SLC22A6: variants seen among roughly 807,000 people sequenced by gnomAD.
SLC22A6 encodes the protein PAH transporter.
Under a neutral mutation model 56.7 loss-of-function variants are expected in SLC22A6, and 45 were observed. The ratio of observed to expected loss-of-function variants is 0.79; its 90% confidence interval spans 0.63 to 1.02. SLC22A6 has a LOEUF of 1.02. Ranked by LOEUF, SLC22A6 falls within the 50% of genes least tolerant of loss-of-function variation. The pLI, the probability that SLC22A6 is intolerant of heterozygous loss-of-function variation, is 0.00. For synonymous variants in SLC22A6, 291 were observed against 295.9 expected, an observed-to-expected ratio of 0.98 and a Z score of 0.17; for missense variants, 606 against 713.8, an observed-to-expected ratio of 0.85 and a Z score of 1.72.
intron 6 of SLC22A6, among the ~76,000 whole-genome samples, chr11:62,980,354 G>T (rs1275738015): frequency 6.6e-6 from 1 of 152,202 alleles, no homozygotes; most frequent in African/African-American, 2.4e-5. Flanking sequence ...GATGAGTGTT[G>T]TGCTTTTTAA....
intron 5 of SLC22A6, 57 bp downstream of exon 5, chr11:62,981,203 T>G (rs1213590756): frequency 6.2e-7 from 1 of 1,606,252 alleles, no homozygotes; most frequent in African/African-American, 1.3e-5. Flanking sequence ...GTCCTGGGTT[T>G]GGGGTTTGGG....
At chr11:62,979,454 A>G in intron 8 of SLC22A6, 34 bp downstream of exon 8, 2 of 1,340,278 alleles carry the variant, frequency 1.5e-6, no homozygotes, top group Non-Finnish European at 2.1e-6. Flanking sequence ...TCCCCAGGAA[A>G]AGGCTGTCAT....
In SLC22A6 at chr11:62,980,978, G is replaced by A. The variant is rs772693956; in HGVS notation, c.1037+7C>T. On this transcript the variant is annotated splice_region_variant and intron_variant, in intron 6 of 9. Coordinates refer to ENST00000360421, the MANE Select transcript of SLC22A6 (RefSeq NM_153276.3). ...TTGTCTCAGTCTGTCTGTCTTTCTG[G>A]GCCTACCACAGCATGGAGAGGCAGA... The A allele has an allele frequency of 1.3e-6, 2 of 1,591,532 alleles. No homozygotes were observed. The highest frequency in any genetic ancestry group is 1.7e-6 in the Non-Finnish European group (2 of 1,165,392).
At chr11:62,977,912 C>T (rs2086208491) in intron 8 of SLC22A6, among the ~76,000 whole-genome samples, 1 of 152,214 alleles carries the variant, frequency 6.6e-6, no homozygotes, top group Admixed American at 6.5e-5. Flanking sequence ...ATGTTAAGAA[C>T]ATTCTTCATG....
intron 8 of SLC22A6, 77 bp downstream of exon 8, chr11:62,979,410 TC>T: frequency 9.8e-7 from 1 of 1,017,838 alleles, no homozygotes; most frequent in Non-Finnish European, 1.6e-6. Context: ...TTGATTTAGC[TC>T]TGGGGTCTGA....
At position 62,979,904 on chromosome 11, in the gene SLC22A6, T is replaced by G. The variant is rs749666932; in HGVS notation, c.1082A>C (p.Gln361Pro). Residue 361 changes from glutamine (Q) to proline (P), a missense_variant, in exon 7 of 10, where the codon CAG becomes CCG. Gln to Pro is a moderately conservative substitution (Grantham distance 76). Transcript: ENST00000360421. ...FAYYGLVMDL[Q>P]GFGVSIYLIQ... The stretch of plus-strand genomic sequence containing the variant: ...TAGGTAGATGCTGACTCCAAAGCCC[T>G]GCAGGTCCATGACCAGCCCATAGTA... The G allele has an allele frequency of 6.2e-7, 1 of 1,614,148 alleles. No homozygotes were observed. Among genetic ancestry groups the G allele is most frequent in the Admixed American group, 1.7e-5 (1 of 60,018 alleles).
At chr11:62,978,219 C>T (rs1007807556) in intron 8 of SLC22A6, among the ~76,000 whole-genome samples, 1 of 152,296 alleles carries the variant, frequency 6.6e-6, no homozygotes, top group East Asian at 1.9e-4. Context: ...CTCAGGGTTC[C>T]ACTTTGCAGA....
rs2086245967 is a variant in SLC22A6 at position 62,980,965 on chromosome 11, G to A, written c.1037+20C>T. 2 of 1,575,868 alleles carry A rather than the reference G, an allele frequency of 1.3e-6. No individual in the cohort carries two copies. Among genetic ancestry groups the A allele is most frequent in the Middle Eastern group, 1.7e-4 (1 of 5,898 alleles). On this transcript the variant is annotated intron_variant, in intron 6 of 9. Transcript: ENST00000360421. Reference sequence around the variant, plus strand: ...CCCAGCCAGCCTTTTGTCTCAGTCTGTCTGTCTTTCTGGGCCTACCACAGC... The same window carrying A: ...CCCAGCCAGCCTTTTGTCTCAGTCTATCTGTCTTTCTGGGCCTACCACAGC...
chr11:62,981,156 C>T (rs1209420905), intron 5 of SLC22A6, 56 bp from the exon 6 acceptor site: 1 of 1,604,302 alleles, frequency 6.2e-7, no homozygotes, highest in Non-Finnish European at 8.5e-7. Context: ...CTCCTCCCAG[C>T]CTAATCCCTT....
Position 62,984,401 on chromosome 11 carries a change from T to C in SLC22A6, c.290A>G (p.Asn97Ser), listed in dbSNP as rs769257423. Residue 97 changes from asparagine (N) to serine (S), a missense_variant, in exon 1 of 10, where the codon AAT becomes AGT. Asn to Ser is a conservative substitution (Grantham distance 46). Coordinates refer to ENST00000360421, the MANE Select transcript of SLC22A6 (RefSeq NM_153276.3). ...GCAGGGCTCTGTGGCCCCTGTGCCA[T>C]TGGCTTCTGTGCCATTGAGAAAGGG... ...GLPFLNGTEA[N>S]GTGATEPCTD... 8 of 1,613,968 alleles carry C rather than the reference T, an allele frequency of 5.0e-6. No individual in the cohort carries two copies. The highest frequency in any genetic ancestry group is 2.2e-5 in the South Asian group (2 of 91,076).
Position 62,976,862 on chromosome 11 carries a change from G to T in SLC22A6, c.1585C>A (p.Gln529Lys). The part of the protein sequence containing the change: ...LESRKGKQTR[Q>K]QQEHQKYMVP... ...ATATACTTCTGGTGCTCTTGTTGCT[G>T]TCGCGTCTGTTTCCCTTTCCTGCAG... is the stretch of plus-strand genomic sequence containing the variant. The change falls in exon 10 of 10, where the codon CAG becomes AAG. Residue 529 changes from glutamine to lysine, a missense_variant. Transcript: ENST00000360421. 6.2e-7 allele frequency: 1 copy of T among 1,614,058 alleles called. No individual in the cohort carries two copies. Among genetic ancestry groups the T allele is most frequent in the Non-Finnish European group, 8.5e-7 (1 of 1,180,008 alleles).
Position 62,984,623 on chromosome 11 carries a change from A to G in SLC22A6, c.68T>C (p.Leu23Pro). 6.2e-7 allele frequency: 1 copy of G among 1,613,744 alleles called. No homozygotes were observed. Among genetic ancestry groups the G allele is most frequent in the Non-Finnish European group, 8.5e-7 (1 of 1,179,894 alleles). The part of the protein sequence containing the change: ...VGRFQQIQVT[L>P]VVLPLLLMAS... Reference sequence around the variant, plus strand: ...CATCAGGAGCAGGGGGAGGACCACCAGGGTGACCTGGATCTGCTGGAAGCG... The same window carrying G: ...CATCAGGAGCAGGGGGAGGACCACCGGGGTGACCTGGATCTGCTGGAAGCG... The change falls in exon 1 of 10, where the codon CTG becomes CCG. Residue 23 changes from leucine to proline, a missense_variant. Leu to Pro is a moderately conservative substitution (Grantham distance 98, BLOSUM62 -3). Transcript: ENST00000360421.
Position 62,983,287 on chromosome 11 carries a change from G to T in SLC22A6, c.628+250C>A, listed in dbSNP as rs1391340776. Among the ~76,000 whole-genome samples the T allele has an allele frequency of 6.6e-6, 1 of 152,144 alleles. No individual in the cohort carries two copies. Among genetic ancestry groups the T allele is most frequent in the Non-Finnish European group, 1.5e-5 (1 of 68,022 alleles). The stretch of plus-strand genomic sequence containing the variant: ...TCTCGATCTCCTGACCTCGTGATCT[G>T]CCCGCCTCGGCCTCCGAAAGTGCTG... On this transcript the variant is annotated intron_variant, in intron 3 of 9. Coordinates refer to ENST00000360421, the MANE Select transcript of SLC22A6 (RefSeq NM_153276.3). This position sits in a 1 kb window ranked among gnomAD's most constrained non-coding sequence, Gnocchi z 4.5.
Position 62,976,609 on chromosome 11 carries a change from A to G in SLC22A6, c.*185T>C. The G allele has an allele frequency of 1.9e-6, 1 of 540,330 alleles. No homozygotes were observed. The highest frequency in any genetic ancestry group is 3.3e-6 in the Non-Finnish European group (1 of 301,696). 33.5% of individuals were successfully genotyped at this position (540,330 alleles called of 1,614,324 possible). On this transcript the variant is annotated 3_prime_UTR_variant, in exon 10 of 10. Transcript: ENST00000360421. ...AGACACAGAGAGATGGTGCGCAGTC[A>G]AACCTTTTAATGATGTGGTTCTGGT...
rs369945942 is a variant in SLC22A6 at position 62,983,975 on chromosome 11, C to T, written c.442G>A (p.Gly148Arg). The T allele has an allele frequency of 2.2e-5, 36 of 1,613,724 alleles. No homozygotes were observed. The highest frequency in any genetic ancestry group is 4.5e-5 in the East Asian group (2 of 44,856). ...GCAAGGTAGCCGAACACCATGGCTC[C>T]GAGCAGCACCCCCACCATGTACAAG... ...QSLYMVGVLL[G>R]AMVFGYLADR... is the part of the protein sequence containing the mutation. The change falls in exon 2 of 10, where the codon GGA becomes AGA. Residue 148 changes from glycine to arginine, a missense_variant. Physicochemically the swap from Gly to Arg is moderately radical, Grantham distance 125 (BLOSUM62 -2). Transcript: ENST00000360421. This position sits in a 1 kb window ranked among gnomAD's most constrained non-coding sequence, Gnocchi z 4.5.
rs774613941 is a variant in SLC22A6 at position 62,981,983 on chromosome 11, CG to C, written c.655del (p.Arg219GlyfsTer7). Reference protein sequence around the residue: ...LNVEWMPIHTRACVGTLIGYV... With the variant: ...LNVEWMPIHTXACVGTLIGYV... ...GCCAATCAAGGTGCCCACGCAGGCC[CG>C]TGTGTGAATGGGCATCCACTCCACA... On this transcript the variant is annotated frameshift_variant, in exon 4 of 10. Transcript: ENST00000360421. LOFTEE classifies it high-confidence loss of function. 6.2e-7 allele frequency: 1 copy of C among 1,613,984 alleles called. No individual in the cohort carries two copies. The highest frequency in any genetic ancestry group is 8.5e-7 in the Non-Finnish European group (1 of 1,179,936).
chr11:62,981,906 G>C lies in SLC22A6; in HGVS notation c.733C>G (p.Pro245Ala). 6.2e-7 allele frequency: 1 copy of C among 1,614,038 alleles called. No individual in the cohort carries two copies. Among genetic ancestry groups the C allele is most frequent in the Non-Finnish European group, 8.5e-7 (1 of 1,179,976 alleles). The change falls in exon 4 of 10, where the codon CCC becomes GCC. Residue 245 changes from proline to alanine, a missense_variant. By Grantham distance (27) the Pro-to-Ala change is conservative (BLOSUM62 -1). Coordinates refer to ENST00000360421, the MANE Select transcript of SLC22A6 (RefSeq NM_153276.3). ...FLLAGVAYAV[P>A]HWRHLQLLVS... The stretch of plus-strand genomic sequence containing the variant: ...AGTAGCTGCAGGTGGCGCCAGTGGG[G>C]CACAGCGTAGGCCACACCAGCCAGG...
chr11:62,983,541 T>C lies in SLC22A6; in HGVS notation c.624A>G (p.Thr208=). The C allele has an allele frequency of 6.4e-7, 1 of 1,558,582 alleles. No homozygotes were observed. The highest frequency in any genetic ancestry group is 1.2e-5 in the South Asian group (1 of 84,520). ...GGGCTGGTAAGAATCTCTCACTCAGTGTCATGCAGTTGAGGGAGATGCCAG... is the reference window on the plus strand; with the variant it reads ...GGGCTGGTAAGAATCTCTCACTCAGCGTCATGCAGTTGAGGGAGATGCCAG... ...ALAGISLNCM[T]LNVEWMPIHT... The change falls in exon 3 of 10, where the codon ACA becomes ACG. Residue 208 remains threonine, a synonymous_variant. Transcript: ENST00000360421. The surrounding 1 kb of genome is among the most constrained non-coding windows in gnomAD (Gnocchi z 4.5).
chr11:62,983,996 A>G lies in SLC22A6; in HGVS notation c.421T>C (p.Tyr141His). Residue 141 changes from tyrosine (Y) to histidine (H), a missense_variant, in exon 2 of 10, where the codon TAC (tyrosine) becomes CAC (histidine). Coordinates refer to ENST00000360421, the MANE Select transcript of SLC22A6 (RefSeq NM_153276.3). This position sits in a 1 kb window ranked among gnomAD's most constrained non-coding sequence, Gnocchi z 4.5. ...GCTCCGAGCAGCACCCCCACCATGT[A>G]CAAGGACTGGGCCAGCTGGCGTAGG... ...RALRQLAQSL[Y>H]MVGVLLGAMV... is the part of the protein sequence containing the mutation. 2.5e-6 allele frequency: 4 copies of G among 1,613,964 alleles called. No homozygotes were observed. The highest frequency in any genetic ancestry group is 1.3e-5 in the African/African-American group (1 of 74,994).
Sources: gnomAD v4.1 joint callset for allele counts (sites outside exome capture counted in the v4.1 genomes callset) on GRCh38, gnomAD v4.1.1 for gene constraint, Gnocchi (gnomAD v3.1) non-coding constraint, MANE v1.5 for transcripts, NCBI Gene and HGNC (gene_info 2026-07-23, HGNC 2026-07-21) for gene names.